The following GYPC variants were observed in gnomAD, a reference collection of about 807,000 sequenced individuals.
GYPC encodes the protein glycophorin C (Gerbich blood group), also known as glycophorin-C.
A neutral mutation model predicts 12.6 loss-of-function variants in GYPC; 14 were observed. That is an observed-to-expected ratio of 1.11 (90% CI 0.74 to 1.74). GYPC has a LOEUF of 1.74. Ranked by LOEUF, GYPC falls within the 40% of genes most tolerant of loss-of-function variation. The probability of loss-of-function intolerance (pLI) is 0.00; values close to 1 mark genes in which losing one functional copy is unlikely to be tolerated. For synonymous variants in GYPC, 78 were observed against 62.1 expected (o/e 1.26, Z -1.20); for missense variants, 225 against 172.1 (o/e 1.31, Z -1.72).
intron 1 of GYPC, among the ~76,000 whole-genome samples, chr2:126,677,325 G>C (rs554578035): frequency 6.8e-6 from 1 of 146,700 alleles, no homozygotes; most frequent in South Asian, 2.3e-4. Flanking sequence ...GAGAATGTGT[G>C]TGATAGTGTG....
At chr2:126,656,438 G>T (rs1289847756) in intron 1 of GYPC, 126 bp downstream of exon 1, 17 of 781,446 alleles carry the variant, frequency 2.2e-5, no homozygotes, top group Non-Finnish European at 3.3e-5. Flanking sequence ...CCAGGCGGAG[G>T]AGGCGTCCGC....
At chr2:126,687,681 A>C (rs1573575424) in intron 1 of GYPC, among the ~76,000 whole-genome samples, 1 of 152,224 alleles carries the variant, frequency 6.6e-6, no homozygotes, top group East Asian at 1.9e-4. Flanking sequence ...CACGCTCCTC[A>C]GAGGGCATGA....
chr2:126,686,122 T>C (rs958946782), intron 1 of GYPC: 32 of 985,152 alleles, frequency 3.2e-5, no homozygotes, highest in Non-Finnish European at 3.6e-5. Flanking sequence ...AAAAGAGAAC[T>C]TTTTAGCACA....
chr2:126,686,640 T>G (rs1683299190), intron 1 of GYPC: 2 of 984,618 alleles, frequency 2.0e-6, no homozygotes, highest in Admixed American at 6.1e-5. Flanking sequence ...TGGAGCTTCC[T>G]GTCTGGTAGG....
chr2:126,668,816 A>G (rs1277600272), intron 1 of GYPC, among the ~76,000 whole-genome samples: 1 of 152,214 alleles, frequency 6.6e-6, no homozygotes, highest in Non-Finnish European at 1.5e-5. Flanking sequence ...GTGTGAGATG[A>G]GATGGCTGCC....
chr2:126,664,951 TTCTCTC>T (rs143811361), intron 1 of GYPC, among the ~76,000 whole-genome samples: 43 of 148,758 alleles, frequency 2.9e-4, no homozygotes, highest in South Asian at 1.7e-3. Context: ...CTTGCTGTCT[TTCTCTC>T]TCTCTCTCTC....
intron 1 of GYPC, among the ~76,000 whole-genome samples, chr2:126,671,303 G>C (rs1325113538): frequency 6.6e-6 from 1 of 152,208 alleles, no homozygotes; most frequent in Non-Finnish European, 1.5e-5. Context: ...CCACCTCACT[G>C]GGCAGGTGCC....
At chr2:126,688,146 T>C (rs1683343817) in intron 1 of GYPC, among the ~76,000 whole-genome samples, 1 of 152,228 alleles carries the variant, frequency 6.6e-6, no homozygotes, top group Non-Finnish European at 1.5e-5. Context: ...ACCTGGCATT[T>C]AGTATGAAAT....
intron 1 of GYPC, among the ~76,000 whole-genome samples, chr2:126,683,342 C>T (rs1196090100): frequency 1.3e-5 from 2 of 152,086 alleles, no homozygotes; most frequent in Non-Finnish European, 2.9e-5. Context: ...ATATTTGCTG[C>T]TTTCCTGATA....
At chr2:126,675,505 G>A (rs1290080483) in intron 1 of GYPC, 5 of 160,074 alleles carry the variant, frequency 3.1e-5, no homozygotes, top group Non-Finnish European at 6.6e-5. Context: ...CCAGACCCTT[G>A]TCTCTGTCCA....
chr2:126,670,276 C>T (rs1192962901), intron 1 of GYPC, among the ~76,000 whole-genome samples: 1 of 152,224 alleles, frequency 6.6e-6, no homozygotes, highest in Non-Finnish European at 1.5e-5. Flanking sequence ...TGGGGCCCTT[C>T]TGGGACACCC....
chr2:126,661,763 T>C (rs1221574225), intron 1 of GYPC, among the ~76,000 whole-genome samples: 1 of 152,218 alleles, frequency 6.6e-6, no homozygotes, highest in Non-Finnish European at 1.5e-5. Flanking sequence ...GCCTACCAGA[T>C]GCCCCTTCTC....
chr2:126,696,316 C>T lies in GYPC; in HGVS notation c.*174C>T, dbSNP rs1315599757. 3.1e-6 allele frequency: 2 copies of T among 653,534 alleles called. No homozygotes were observed. Among genetic ancestry groups the T allele is most frequent in the African/African-American group, 3.6e-5 (2 of 56,000 alleles). 40.5% of individuals were successfully genotyped at this position (653,534 alleles called of 1,614,324 possible). ...CTGCCCAGGGAGGAACGGAGGAGGA[C>T]TCGCGCTACAAGAGGCCACTCCCAG... On this transcript the variant is annotated 3_prime_UTR_variant, in exon 4 of 4. Coordinates refer to ENST00000259254, the MANE Select transcript of GYPC (RefSeq NM_002101.5).
intron 2 of GYPC, 148 bp downstream of exon 2, chr2:126,690,459 G>A (rs1458698247): frequency 4.2e-6 from 3 of 713,528 alleles, no homozygotes; most frequent in East Asian, 2.7e-5. Flanking sequence ...GACAGGGGTG[G>A]CTGTGGCCAT....
chr2:126,683,512 G>A (rs901647207), intron 1 of GYPC, among the ~76,000 whole-genome samples: 3 of 152,262 alleles, frequency 2.0e-5, no homozygotes, highest in Middle Eastern at 6.8e-3. Flanking sequence ...CTTTGGAGAC[G>A]ATGGTTCCAC....
rs1383479902 is a variant in GYPC at position 126,696,432 on chromosome 2, GCAGGACAACAT to G, written c.*294_*304del. On this transcript the variant is annotated 3_prime_UTR_variant, in exon 4 of 4. Transcript: ENST00000259254. Reference sequence around the variant, plus strand: ...GGGCACATGGGGCCCCCTGGGCAGTGCAGGACAACATCAGCTCACTGGCAGGAAAGTCCTTG... The same window carrying G: ...GGGCACATGGGGCCCCCTGGGCAGTGCAGCTCACTGGCAGGAAAGTCCTTG... 6.9e-6 allele frequency: 3 copies of G among 433,924 alleles called. No homozygotes were observed. Among genetic ancestry groups the G allele is most frequent in the Non-Finnish European group, 1.3e-5 (3 of 231,744 alleles). 26.9% of individuals were successfully genotyped at this position (433,924 alleles called of 1,614,324 possible).
chr2:126,660,044 G>T (rs28387093), intron 1 of GYPC, among the ~76,000 whole-genome samples: 1 of 152,184 alleles, frequency 6.6e-6, no homozygotes, highest in African/African-American at 2.4e-5. Context: ...CACTGAGGGC[G>T]CAGCCAGGCT....
intron 1 of GYPC, among the ~76,000 whole-genome samples, chr2:126,683,350 A>G (rs147458792): frequency 2.6e-5 from 4 of 152,150 alleles, no homozygotes; most frequent in Admixed American, 2.0e-4. Flanking sequence ...TGCTTTCCTG[A>G]TAAACTACAA....
intron 1 of GYPC, among the ~76,000 whole-genome samples, chr2:126,666,974 C>T (rs1010272600): frequency 6.6e-6 from 1 of 152,178 alleles, no homozygotes; most frequent in African/African-American, 2.4e-5. Flanking sequence ...ATCTTTTGGC[C>T]TTGGGTGTTA....
Sources: allele counts gnomAD v4.1 joint callset (sites outside exome capture counted in the v4.1 genomes callset), GRCh38; gene constraint gnomAD v4.1.1; transcripts MANE v1.5; gene names NCBI Gene and HGNC (gene_info 2026-07-23, HGNC 2026-07-21).